Variants in EGF observed in about 807,000 individuals in gnomAD.
The protein encoded by EGF is epidermal growth factor.
A neutral mutation model predicts 143.8 loss-of-function variants in EGF; 95 were observed. The ratio of observed to expected loss-of-function variants is 0.66; its 90% CI spans 0.56 to 0.78. The LOEUF is 0.78. EGF is among the 30% of genes least tolerant of loss of function. The pLI is 0.00. For missense variants in EGF, 1,320 were observed against 1,470.9 expected (o/e 0.90, Z 1.68); for synonymous variants, 510 against 510.5 (o/e 1.00, Z 0.01).
intron 20 of EGF, among the ~76,000 whole-genome samples, chr4:109,997,300 G>A (rs757735705): frequency 6.6e-5 from 10 of 152,106 alleles, no homozygotes; most frequent in Non-Finnish European, 1.0e-4. Context: ...GCAGTATAGG[G>A]AGGTTCAGAA....
intron 4 of EGF, among the ~76,000 whole-genome samples, chr4:109,944,445 A>C (rs1742506118): frequency 6.6e-6 from 1 of 152,206 alleles, no homozygotes; most frequent in Non-Finnish European, 1.5e-5. Context: ...TCTCAAGAAA[A>C]AGACTTGAGT....
At chr4:110,008,739 T>A (rs1578416127) in intron 23 of EGF, among the ~76,000 whole-genome samples, 1 of 152,164 alleles carries the variant, frequency 6.6e-6, no homozygotes, top group South Asian at 2.1e-4. Context: ...GTCTGTGAAG[T>A]CCAGCCAAGC....
chr4:109,956,900 G>A (rs1411250395), intron 5 of EGF, among the ~76,000 whole-genome samples: 1 of 152,142 alleles, frequency 6.6e-6, no homozygotes, highest in African/African-American at 2.4e-5. Context: ...CTAAGATGAA[G>A]GTGTAACGTT....
rs1736054861 is a variant in EGF at position 109,913,455 on chromosome 4, T to C, written c.120T>C (p.Thr40=). 6.2e-7 allele frequency: 1 copy of C among 1,613,746 alleles called. No individual in the cohort carries two copies. The highest frequency in any genetic ancestry group is 8.5e-7 in the Non-Finnish European group (1 of 1,179,806). The change falls in exon 1 of 24, where the codon ACT becomes ACC. Residue 40 remains threonine (T), a synonymous_variant. Transcript: ENST00000265171. ...EGTLAGNGNS[T]CVGPAPFLIF... is the part of the protein sequence containing the mutation. ...CTCTCGCAGGAAATGGGAATTCTAC[T>C]TGTGTGGGTAAGTACTCCAATGAAA...
At position 109,913,104 on chromosome 4, in the gene EGF, CATAGATAAAGAAAT is replaced by C; in HGVS notation, c.-231_-218del. ...TATTTCTTACTGGCTTCCAAAGAAA[CATAGATAAAGAAAT>C]CTTTCCTGTGGCTTCCCTTGGCAGG... On this transcript the variant is annotated 5_prime_UTR_variant, in exon 1 of 24. Coordinates refer to ENST00000265171, the MANE Select transcript of EGF (RefSeq NM_001963.6). The C allele has an allele frequency of 2.1e-6, 1 of 484,420 alleles. No homozygotes were observed. The highest frequency in any genetic ancestry group is 3.7e-6 in the Non-Finnish European group (1 of 266,970). The allele number at this position is 484,420 out of a possible 1,614,324, so 30.0% of individuals were successfully genotyped here.
chr4:109,980,749 G>C, intron 14 of EGF, 77 bp from the exon 15 acceptor site: 1 of 1,572,734 alleles, frequency 6.4e-7, no homozygotes, highest in East Asian at 2.2e-5. Context: ...CTCCCTAAAA[G>C]CAAGCTGTAG....
At position 109,993,263 on chromosome 4, in the gene EGF, A is replaced by G. The variant is rs1198180243; in HGVS notation, c.2751A>G (p.Gln917=). 2 of 1,613,696 alleles carry G rather than the reference A, an allele frequency of 1.2e-6. No homozygotes were observed. Among genetic ancestry groups the G allele is most frequent in the Non-Finnish European group, 1.7e-6 (2 of 1,179,912 alleles). ...GIHCLDIDEC[Q]LGEHSCGENA... is the part of the protein sequence containing the mutation. ...TTCTGACAGATATTGATGAGTGCCA[A>G]CTGGGGGAGCACAGCTGTGGAGAGA... Residue 917 remains glutamine, a synonymous_variant, in exon 19 of 24, where the codon CAA becomes CAG. Transcript: ENST00000265171.
intron 13 of EGF, among the ~76,000 whole-genome samples, chr4:109,977,948 T>C (rs1048098676): frequency 2.0e-5 from 3 of 152,240 alleles, no homozygotes; most frequent in African/African-American, 7.2e-5. Flanking sequence ...GTGAGGACAC[T>C]ATATTTTAAA....
chr4:109,961,756 TG>T, intron 7 of EGF, 106 bp from the exon 8 acceptor site: 1 of 1,450,620 alleles, frequency 6.9e-7, no homozygotes, highest in South Asian at 1.2e-5. Flanking sequence ...CCCAACACTT[TG>T]GGAGGTCAAG....
rs1354662262 is a variant in EGF at position 109,992,198 on chromosome 4, AAAGAC to A, written c.2735-1047_2735-1043del. ...AAAAAAAAAAAAAAAAAAAAAAAAAAAAGACAGAGAGAGAAAGAACGGAAACAAAA... is the reference window on the plus strand; with the variant it reads ...AAAAAAAAAAAAAAAAAAAAAAAAAAAGAGAGAGAAAGAACGGAAACAAAA... On this transcript the variant is annotated intron_variant, in intron 18 of 23. Coordinates refer to ENST00000265171, the MANE Select transcript of EGF (RefSeq NM_001963.6). 2.1e-3 allele frequency: 295 copies of A among 141,798 alleles called. 2 individuals are homozygous for A. The highest frequency in any genetic ancestry group is 7.7e-3 in the African/African-American group (286 of 37,220). The allele number at this position is 141,798 out of a possible 1,614,324, so 8.8% of individuals were successfully genotyped here.
intron 1 of EGF, among the ~76,000 whole-genome samples, chr4:109,914,193 C>G (rs568753600): frequency 6.6e-6 from 1 of 152,340 alleles, no homozygotes; most frequent in South Asian, 2.1e-4. Flanking sequence ...AACATTCTCT[C>G]TCTAACTGTT....
In EGF at chr4:109,994,870, T is replaced by C. The variant is rs1409478636; in HGVS notation, c.2995T>C (p.Tyr999His). The change falls in exon 20 of 24, where the codon TAT becomes CAT. Residue 999 changes from tyrosine (Y) to histidine (H), a missense_variant. Transcript: ENST00000265171. ...VCMYIEALDK[Y>H]ACNCVVGYIG... ...CATGTATATTGAAGCATTGGACAAG[T>C]ATGCATGCAAGTAAGTTAAACTGTC... 1.9e-6 allele frequency: 3 copies of C among 1,614,026 alleles called. No individual in the cohort carries two copies. The African/African-American group carries it at 4.0e-5, about 22-fold the overall frequency.
At chr4:109,914,291 C>CG (rs561937911) in intron 1 of EGF, among the ~76,000 whole-genome samples, 47 of 152,282 alleles carry the variant, frequency 3.1e-4, no homozygotes, top group African/African-American at 1.1e-3. Context: ...ATAGCTGCCC[C>CG]GACATTCCAT....
chr4:110,002,864 T>C lies in EGF; in HGVS notation c.3174-1641T>C, dbSNP rs547744491. On this transcript the variant is annotated intron_variant, in intron 21 of 23. Coordinates refer to ENST00000265171, the MANE Select transcript of EGF (RefSeq NM_001963.6). ...AGTGTCTGTTGTTCCTTTCTTTGTG[T>C]TCCTGAGTTCCCATCATTTAGCTCC... Among the ~76,000 whole-genome samples, 4 of 152,220 alleles carry C rather than the reference T, an allele frequency of 2.6e-5. No individual in the cohort carries two copies. In the South Asian group the frequency reaches 8.3e-4, roughly 32 times the overall value.
chr4:109,980,655 GGC>G, intron 14 of EGF, 169 bp from the exon 15 acceptor site: 1 of 728,204 alleles, frequency 1.4e-6, no homozygotes, highest in Non-Finnish European at 2.3e-6. Context: ...TAGAATCAGT[GGC>G]TCCTTGGGGG....
Position 109,961,809 on chromosome 4 carries a change from A to G in EGF, c.1190-54A>G, listed in dbSNP as rs572178484. On this transcript the variant is annotated intron_variant, in intron 7 of 23. Transcript: ENST00000265171. ...GCAATATTAGCAACTGATTGCAATA[A>G]ATTTTTGCAAACCCGATTTAACACT... 7.1e-5 allele frequency: 114 copies of G among 1,609,060 alleles called. No homozygotes were observed. In the Admixed American group the frequency reaches 1.0e-3, roughly 14 times the overall value.
At chr4:109,915,783 A>T (rs1183102184) in intron 1 of EGF, among the ~76,000 whole-genome samples, 1 of 152,232 alleles carries the variant, frequency 6.6e-6, no homozygotes, top group East Asian at 1.9e-4. Flanking sequence ...AGCAGGAAGA[A>T]TGCTTTATGG....
chr4:109,994,447 A>G (rs1751485265), intron 19 of EGF, among the ~76,000 whole-genome samples: 1 of 152,168 alleles, frequency 6.6e-6, no homozygotes. Context: ...TTTTTATGAG[A>G]TCAGTGACTC....
At chr4:109,980,223 G>A in intron 14 of EGF, 84 bp downstream of exon 14, 3 of 1,403,034 alleles carry the variant, frequency 2.1e-6, no homozygotes, top group South Asian at 3.0e-5. Context: ...AGTTGGCGGG[G>A]GGGTGGAGGG....
Sources: gnomAD v4.1 joint callset for allele counts (sites outside exome capture counted in the v4.1 genomes callset) on GRCh38, gnomAD v4.1.1 for gene constraint, MANE v1.5 for transcripts, NCBI Gene and HGNC (gene_info 2026-07-23, HGNC 2026-07-21) for gene names.